The following STX17 variants were observed in gnomAD, a reference collection of about 807,000 sequenced individuals.
The protein encoded by STX17 is syntaxin-17.
In STX17, 29 loss-of-function variants were observed where a neutral mutation model predicts 35.9. That is an observed-to-expected ratio of 0.81 (90% CI 0.60 to 1.10). The LOEUF (loss-of-function observed/expected upper bound fraction) is 1.10, where lower values mean the gene tolerates loss of function less well. STX17 is among the 50% of genes least tolerant of loss of function. STX17 has a pLI of 0.00. For missense variants in STX17, 312 were observed against 352.3 expected (o/e 0.89, Z 0.92); for synonymous variants, 92 against 118.3 (o/e 0.78, Z 1.44).
rs531404342 is a variant in STX17, at chr9:99,949,491, G to A, written c.190-1569G>A. Among the ~76,000 whole-genome samples the A allele has an allele frequency of 3.3e-5, 5 of 151,770 alleles. No homozygotes were observed. In the East Asian group the frequency reaches 5.8e-4, roughly 18 times the overall value. ...TAGTGGAAAGATTGCTGGCCCTATC[G>A]GAATATCTGGGTTTTAACCCCAGTT... On this transcript the variant is annotated intron_variant, in intron 3 of 7. Transcript: ENST00000259400.
intron 2 of STX17, among the ~76,000 whole-genome samples, chr9:99,924,168 G>C (rs540143226): frequency 6.6e-6 from 1 of 152,306 alleles, no homozygotes; most frequent in South Asian, 2.1e-4. Flanking sequence ...TCCAGGGTAT[G>C]GGGCAGGACC....
chr9:99,940,623 C>T (rs1210332624), intron 3 of STX17, among the ~76,000 whole-genome samples: 6 of 151,636 alleles, frequency 4.0e-5, no homozygotes, highest in African/African-American at 1.2e-4. Flanking sequence ...GGATTACAGG[C>T]GCACACCACC....
intron 2 of STX17, among the ~76,000 whole-genome samples, chr9:99,925,254 T>C (rs1042312110): frequency 2.6e-5 from 4 of 152,164 alleles, no homozygotes; most frequent in African/African-American, 9.6e-5. Context: ...AAGAACCTTC[T>C]AACAGTATAC....
intron 3 of STX17, among the ~76,000 whole-genome samples, chr9:99,942,422 G>T (rs1829386319): frequency 6.6e-6 from 1 of 152,124 alleles, no homozygotes; most frequent in Admixed American, 6.5e-5. Context: ...GTTTCTTGAT[G>T]ACTAGAAGCT....
At chr9:99,950,460 A>G (rs921400223) in intron 3 of STX17, among the ~76,000 whole-genome samples, 7 of 151,952 alleles carry the variant, frequency 4.6e-5, no homozygotes, top group African/African-American at 1.7e-4. Context: ...TAGGACTTAT[A>G]TGCAGGGATA....
chr9:99,938,978 C>T (rs930479814), intron 3 of STX17, among the ~76,000 whole-genome samples: 2 of 152,054 alleles, frequency 1.3e-5, no homozygotes, highest in African/African-American at 2.4e-5. Context: ...TGGAAAGATA[C>T]GGCTTTGGAG....
chr9:99,946,690 CTTT>C (rs1370242768), intron 3 of STX17, among the ~76,000 whole-genome samples: 1 of 152,114 alleles, frequency 6.6e-6, no homozygotes, highest in East Asian at 1.9e-4. Context: ...ATTCTCTCAG[CTTT>C]TGTTTGTCTA....
At chr9:99,938,422 A>G (rs56194168) in intron 3 of STX17, among the ~76,000 whole-genome samples, 2,741 of 152,336 alleles carry the variant, frequency 0.018, 77 homozygotes, top group African/African-American at 0.063. Flanking sequence ...AAAATTTGAA[A>G]CTAAATGAGA....
intron 3 of STX17, among the ~76,000 whole-genome samples, chr9:99,938,444 TTAC>T (rs529027437): frequency 4.6e-5 from 7 of 152,228 alleles, no homozygotes; most frequent in Non-Finnish European, 8.8e-5. Context: ...TTGGAAATTG[TTAC>T]TACTATAATA....
intron 4 of STX17, 63 bp from the exon 5 acceptor site, chr9:99,959,854 T>C (rs1829791845): frequency 8.2e-7 from 1 of 1,220,750 alleles, no homozygotes; most frequent in South Asian, 1.3e-5. Flanking sequence ...GAAATCAATT[T>C]ATGCTGTCTC....
chr9:99,911,922 C>G (rs534513005), intron 1 of STX17, among the ~76,000 whole-genome samples: 3 of 152,288 alleles, frequency 2.0e-5, no homozygotes, highest in African/African-American at 4.8e-5. Flanking sequence ...TTCCCACCAA[C>G]AGTGTATAAG....
Position 99,906,686 on chromosome 9 carries a change from C to T in STX17, c.-83C>T, listed in dbSNP as rs1311040238. The stretch of plus-strand genomic sequence containing the variant: ...CGCCTGCGCCGTGCCCACCGACCGG[C>T]CTCGAGCGCCCCGGCGGGAGGTAAG... On this transcript the variant is annotated 5_prime_UTR_variant, in exon 1 of 8. Transcript: ENST00000259400. The T allele has an allele frequency of 6.6e-6, 1 of 151,986 alleles. No individual in the cohort carries two copies. Among genetic ancestry groups the T allele is most frequent in the Non-Finnish European group, 1.5e-5 (1 of 67,970 alleles). 9.4% of individuals were successfully genotyped at this position (151,986 alleles called of 1,614,324 possible).
At chr9:99,912,070 C>G (rs12237910) in intron 1 of STX17, among the ~76,000 whole-genome samples, 1 of 152,058 alleles carries the variant, frequency 6.6e-6, no homozygotes, top group Non-Finnish European at 1.5e-5. Flanking sequence ...CTACTAAAAA[C>G]AAAAAATTAG....
At chr9:99,925,701 T>G (rs1418765219) in intron 2 of STX17, among the ~76,000 whole-genome samples, 1 of 152,182 alleles carries the variant, frequency 6.6e-6, no homozygotes, top group Admixed American at 6.5e-5. Flanking sequence ...CTTGGATTGT[T>G]TCTCACAAGA....
intron 3 of STX17, among the ~76,000 whole-genome samples, chr9:99,946,162 T>G (rs1829477826): frequency 6.6e-6 from 1 of 152,176 alleles, no homozygotes; most frequent in Non-Finnish European, 1.5e-5. Context: ...CTGTTCTCTA[T>G]AAAAGTACAG....
chr9:99,933,720 C>T (rs1251537590), intron 3 of STX17, among the ~76,000 whole-genome samples: 1 of 152,118 alleles, frequency 6.6e-6, no homozygotes, highest in Admixed American at 6.5e-5. Flanking sequence ...GTCTAATTTC[C>T]CTTCTCTTGA....
chr9:99,965,196 T>G (rs538419361), intron 6 of STX17, among the ~76,000 whole-genome samples: 4 of 152,228 alleles, frequency 2.6e-5, no homozygotes, highest in Non-Finnish European at 5.9e-5. Flanking sequence ...ATTGGTTTTT[T>G]GCCTGTGGTT....
At chr9:99,939,531 A>G (rs987685910) in intron 3 of STX17, among the ~76,000 whole-genome samples, 1 of 152,214 alleles carries the variant, frequency 6.6e-6, no homozygotes, top group African/African-American at 2.4e-5. Flanking sequence ...GCTTTTTACC[A>G]TTTATTTTAA....
intron 2 of STX17, among the ~76,000 whole-genome samples, chr9:99,926,181 C>T (rs1452319021): frequency 6.6e-6 from 1 of 151,646 alleles, no homozygotes; most frequent in African/African-American, 2.4e-5. Flanking sequence ...TTTAAAATAT[C>T]TTATATGGCT....
Sources: gnomAD v4.1 joint callset for allele counts (sites outside exome capture counted in the v4.1 genomes callset) on GRCh38, gnomAD v4.1.1 for gene constraint, MANE v1.5 for transcripts, NCBI Gene and HGNC (gene_info 2026-07-23, HGNC 2026-07-21) for gene names.